Variants in STX11 observed in about 807,000 individuals in gnomAD.
STX11 encodes syntaxin 11.
A neutral mutation model predicts 19.9 loss-of-function variants in STX11; 21 were observed. The observed-to-expected ratio is 1.06, with a 90% CI of 0.75 to 1.52. The LOEUF (loss-of-function observed/expected upper bound fraction) is 1.52. STX11 is among the 40% of genes most tolerant of loss of function. The pLI, the probability that STX11 is intolerant of heterozygous loss-of-function variation, is 0.00. For missense variants in STX11, 438 were observed against 405.9 expected, an observed-to-expected ratio of 1.08 and a Z score of -0.68; for synonymous variants, 193 against 174.4, an observed-to-expected ratio of 1.11 and a Z score of -0.84.
chr6:144,145,043 G>A, the STX11 span, among the ~76,000 whole-genome samples: 2 of 144,958 alleles, frequency 1.4e-5, no homozygotes, highest in African/African-American at 4.9e-5. Context: ...ATTCATTTCT[G>A]GGTATATACC....
At chr6:144,185,502 A>G (rs1007247907) in intron 1 of STX11, among the ~76,000 whole-genome samples, 3 of 152,254 alleles carry the variant, frequency 2.0e-5, no homozygotes, top group Non-Finnish European at 4.4e-5. Flanking sequence ...CTGAAAAGCA[A>G]TATGAACATA....
rs982252446 is a variant in STX11, at chr6:144,190,186, G to A, written c.*2695G>A. On this transcript the variant is annotated 3_prime_UTR_variant, in exon 2 of 2. Coordinates refer to ENST00000367568, the MANE Select transcript of STX11 (RefSeq NM_003764.4). ...TGTTTGGGAACCATCTCAGTGTGGCGTAATGGTTAGGAGTACAGATTCCAG... is the reference window on the plus strand; with the variant it reads ...TGTTTGGGAACCATCTCAGTGTGGCATAATGGTTAGGAGTACAGATTCCAG... 2.6e-5 allele frequency among the ~76,000 whole-genome samples: 4 copies of A among 152,170 alleles called. No homozygotes were observed. Among genetic ancestry groups the A allele is most frequent in the Non-Finnish European group, 4.4e-5 (3 of 68,030 alleles).
intron 1 of STX11, among the ~76,000 whole-genome samples, chr6:144,163,179 G>A (rs1801387046): frequency 6.6e-6 from 1 of 152,222 alleles, no homozygotes; most frequent in Non-Finnish European, 1.5e-5. Flanking sequence ...TAATGGGGAA[G>A]TTGCGTAAGT....
chr6:144,178,298 G>C (rs1377934882), intron 1 of STX11, among the ~76,000 whole-genome samples: 3 of 152,190 alleles, frequency 2.0e-5, no homozygotes, highest in African/African-American at 7.2e-5. Flanking sequence ...TACCTCATAA[G>C]GAATAAATGG....
At position 144,177,061 on chromosome 6, in the gene STX11, G is replaced by T. The variant is rs912384059; in HGVS notation, c.-5-9562G>T. ...CCCAAAGGACACTGTTTACAAGAAA[G>T]AGGAACAGATAAAGGAATGTAAAAA... On this transcript the variant is annotated intron_variant, in intron 1 of 1. Transcript: ENST00000367568. This position sits in a 1 kb window ranked among gnomAD's most constrained non-coding sequence, Gnocchi z 4.4. Among the ~76,000 whole-genome samples, 2 of 152,196 alleles carry T rather than the reference G, an allele frequency of 1.3e-5. No individual in the cohort carries two copies. The highest frequency in any genetic ancestry group is 4.8e-5 in the African/African-American group (2 of 41,458).
chr6:144,140,893 T>C, the STX11 span: 1 of 644,334 alleles, frequency 1.6e-6, no homozygotes, highest in Non-Finnish European at 1.9e-6. Context: ...GCTATACAAA[T>C]GTTTAATGTA....
At position 144,180,875 on chromosome 6, in the gene STX11, T is replaced by C. The variant is rs1439595433; in HGVS notation, c.-5-5748T>C. 6.6e-6 allele frequency among the ~76,000 whole-genome samples: 1 copy of C among 152,216 alleles called. No homozygotes were observed. Among genetic ancestry groups the C allele is most frequent in the African/African-American group, 2.4e-5 (1 of 41,468 alleles). On this transcript the variant is annotated intron_variant, in intron 1 of 1. Coordinates refer to ENST00000367568, the MANE Select transcript of STX11 (RefSeq NM_003764.4). This position sits in a 1 kb window ranked among gnomAD's most constrained non-coding sequence, Gnocchi z 5.3. ...CTCAATGGCTAGAATATTTAACTAA[T>C]AGAATATCACCATCCTTCCTTGTTC...
intron 1 of STX11, among the ~76,000 whole-genome samples, chr6:144,168,328 A>C (rs368756094): frequency 6.6e-6 from 1 of 152,216 alleles, no homozygotes; most frequent in South Asian, 2.1e-4. Flanking sequence ...TCTGTTATAC[A>C]TGCACGCTGC....
chr6:144,152,900 C>T lies in STX11; in HGVS notation c.-6+2197C>T, dbSNP rs1218969122. On this transcript the variant is annotated intron_variant, in intron 1 of 1. Transcript: ENST00000367568. This position sits in a 1 kb window ranked among gnomAD's most constrained non-coding sequence, Gnocchi z 4.9. ...CTGCTTGCCTTGGCCTCCCAAAGTG[C>T]TGGGATTGCAGATGTGAGCCACCAT... 6.6e-6 allele frequency among the ~76,000 whole-genome samples: 1 copy of T among 152,232 alleles called. No individual in the cohort carries two copies. Among genetic ancestry groups the T allele is most frequent in the Non-Finnish European group, 1.5e-5 (1 of 68,046 alleles).
In STX11 at chr6:144,167,960, T is replaced by C. The variant is rs375883096; in HGVS notation, c.-6+17257T>C. ...AGACTTATTCACACATAAGTACTTA[T>C]GGTAAAAAAAATAACATACCATTAA... On this transcript the variant is annotated intron_variant, in intron 1 of 1. Transcript: ENST00000367568. The surrounding 1 kb of genome is among the most constrained non-coding windows in gnomAD (Gnocchi z 5.0). Among the ~76,000 whole-genome samples, 9 of 152,180 alleles carry C rather than the reference T, an allele frequency of 5.9e-5. No individual in the cohort carries two copies. Among genetic ancestry groups the C allele is most frequent in the Non-Finnish European group, 8.8e-5 (6 of 68,024 alleles).
rs1038087420 is a variant in STX11 at position 144,167,233 on chromosome 6, A to T, written c.-6+16530A>T. Among the ~76,000 whole-genome samples, 1 of 152,322 alleles carries T rather than the reference A, an allele frequency of 6.6e-6. No individual in the cohort carries two copies. The highest frequency in any genetic ancestry group is 1.5e-5 in the Non-Finnish European group (1 of 68,016). On this transcript the variant is annotated intron_variant, in intron 1 of 1. Transcript: ENST00000367568. The surrounding 1 kb of genome is among the most constrained non-coding windows in gnomAD (Gnocchi z 5.0). Reference sequence around the variant, plus strand: ...AAATTGTTACTTTTCATGTTAAACAATTCTGTCTTATTTGATTTATTATTA... The same window carrying T: ...AAATTGTTACTTTTCATGTTAAACATTTCTGTCTTATTTGATTTATTATTA...
At chr6:144,161,823 A>G (rs1801349584) in intron 1 of STX11, among the ~76,000 whole-genome samples, 1 of 152,188 alleles carries the variant, frequency 6.6e-6, no homozygotes, top group South Asian at 2.1e-4. Flanking sequence ...TTCTCTCTGA[A>G]ATTCCTATTA....
chr6:144,176,612 G>A lies in STX11; in HGVS notation c.-5-10011G>A, dbSNP rs187751152. Among the ~76,000 whole-genome samples, 228 of 152,266 alleles carry A rather than the reference G, an allele frequency of 1.5e-3. 4 individuals are homozygous for A. The highest frequency in any genetic ancestry group is 1.9e-4 in the East Asian group (1 of 5,182). On this transcript the variant is annotated intron_variant, in intron 1 of 1. Transcript: ENST00000367568. The surrounding 1 kb of genome is among the most constrained non-coding windows in gnomAD (Gnocchi z 4.1). ...GCTTGCCACAGTCTCTAAAGGGAGT[G>A]AGAAGACTGTCAGTGGTGAGTGGAG... is the stretch of plus-strand genomic sequence containing the variant.
the STX11 span, among the ~76,000 whole-genome samples, chr6:144,140,246 A>AT: frequency 6.6e-5 from 3 of 45,594 alleles, no homozygotes; most frequent in African/African-American, 1.8e-4. Context: ...ATATATATAT[A>AT]TATATATATT....
In STX11 at chr6:144,187,246, A is replaced by C; in HGVS notation, c.619A>C (p.Ile207Leu). The change falls in exon 2 of 2, where the codon ATC becomes CTC. Residue 207 changes from isoleucine (I) to leucine (L), a missense_variant. Transcript: ENST00000367568. This position sits in a 1 kb window ranked among gnomAD's most constrained non-coding sequence, Gnocchi z 5.6. ...GGGCGCGCGGGCCGCCCTCAACGAG[A>C]TCGAGAGCCGCCACCGCGAACTGCT... ...VKGARAALNE[I>L]ESRHRELLRL... 1 of 1,613,680 alleles carries C rather than the reference A, an allele frequency of 6.2e-7. No homozygotes were observed. Among genetic ancestry groups the C allele is most frequent in the Non-Finnish European group, 8.5e-7 (1 of 1,179,950 alleles).
At position 144,187,565 on chromosome 6, in the gene STX11, C is replaced by T. The variant is rs1584064170; in HGVS notation, c.*74C>T. The T allele has an allele frequency of 6.3e-7, 1 of 1,595,620 alleles. No homozygotes were observed. The highest frequency in any genetic ancestry group is 2.3e-5 in the East Asian group (1 of 44,196). On this transcript the variant is annotated 3_prime_UTR_variant, in exon 2 of 2. Coordinates refer to ENST00000367568, the MANE Select transcript of STX11 (RefSeq NM_003764.4). This position sits in a 1 kb window ranked among gnomAD's most constrained non-coding sequence, Gnocchi z 5.6. ...GGGAAGGACGCACCAAAGCCGGGAGCTCTGCCCTGCAGGGAGTTGCCCCAA... is the reference window on the plus strand; with the variant it reads ...GGGAAGGACGCACCAAAGCCGGGAGTTCTGCCCTGCAGGGAGTTGCCCCAA...
rs1185121926 is a variant in STX11, at chr6:144,191,434, T to C, written c.*3943T>C. 2.6e-5 allele frequency among the ~76,000 whole-genome samples: 4 copies of C among 151,290 alleles called. No individual in the cohort carries two copies. The highest frequency in any genetic ancestry group is 1.5e-5 in the Non-Finnish European group (1 of 67,920). ...TGCCTTTACATTTATTTAAAAACAG[T>C]CCTAATGCTTTATAGTTAAATGTCA... On this transcript the variant is annotated 3_prime_UTR_variant, in exon 2 of 2. Transcript: ENST00000367568.
Position 144,190,088 on chromosome 6 carries a change from C to T in STX11, c.*2597C>T, listed in dbSNP as rs147777164. Reference sequence around the variant, plus strand: ...ACGTTTTATATTGGAGAGTTCGGTACAGACTGTCCATTACTGCACCAAAAG... The same window carrying T: ...ACGTTTTATATTGGAGAGTTCGGTATAGACTGTCCATTACTGCACCAAAAG... On this transcript the variant is annotated 3_prime_UTR_variant, in exon 2 of 2. Transcript: ENST00000367568. Among the ~76,000 whole-genome samples, 7 of 152,318 alleles carry T rather than the reference C, an allele frequency of 4.6e-5. No homozygotes were observed. The East Asian group carries it at 1.4e-3, about 29-fold the overall frequency.
At chr6:144,143,485 T>A in the STX11 span, among the ~76,000 whole-genome samples, 1 of 151,974 alleles carries the variant, frequency 6.6e-6, no homozygotes, top group South Asian at 2.1e-4. Flanking sequence ...GAATCACAAG[T>A]ATGGAAAAGT....
Sources: allele counts gnomAD v4.1 joint callset (sites outside exome capture counted in the v4.1 genomes callset), GRCh38; gene constraint gnomAD v4.1.1; non-coding constraint Gnocchi (gnomAD v3.1); transcripts MANE v1.5; gene names NCBI Gene and HGNC (gene_info 2026-07-23, HGNC 2026-07-21).